MASP1: variants seen among roughly 807,000 people sequenced by gnomAD.
MASP1 encodes the protein mannan-binding lectin serine protease 1.
MASP1 carries 59 observed loss-of-function variants against 77.1 expected under a neutral mutation model. That is an observed-to-expected ratio of 0.77 (90% CI 0.62 to 0.95). MASP1 has a LOEUF of 0.95. Ranked by LOEUF, MASP1 falls within the 40% of genes least tolerant of loss-of-function variation. MASP1 has a pLI of 0.00. For synonymous variants in MASP1, 362 were observed against 354.5 expected (o/e 1.02, Z -0.24); for missense variants, 885 against 912.9 (o/e 0.97, Z 0.39).
At chr3:187,261,120 C>T (rs746788005) in intron 3 of MASP1, among the ~76,000 whole-genome samples, 2 of 152,180 alleles carry the variant, frequency 1.3e-5, no homozygotes, top group East Asian at 1.9e-4. Context: ...GGTAACTTGA[C>T]TTCTGGTGGG....
rs772652499 is a variant in MASP1, at chr3:187,256,661, C to T, written c.744+3G>A. On this transcript the variant is annotated splice_donor_region_variant and intron_variant, in intron 5 of 10. Transcript: ENST00000296280. ...CCAGGACAAGTGTTCATTGCAGGCTCACCTTGATGTAGTCATAGGGGCAGG... is the reference window on the plus strand; with the variant it reads ...CCAGGACAAGTGTTCATTGCAGGCTTACCTTGATGTAGTCATAGGGGCAGG... 6.2e-7 allele frequency: 1 copy of T among 1,613,836 alleles called. No homozygotes were observed. The highest frequency in any genetic ancestry group is 1.1e-5 in the South Asian group (1 of 91,060).
intron 1 of MASP1, among the ~76,000 whole-genome samples, chr3:187,289,471 CAGA>C (rs1283743956): frequency 6.6e-6 from 1 of 152,198 alleles, no homozygotes; most frequent in African/African-American, 2.4e-5. Flanking sequence ...AAAGAGCTCA[CAGA>C]AGAAGCTGGG....
intron 2 of MASP1, among the ~76,000 whole-genome samples, chr3:187,267,985 C>A (rs1716184676): frequency 6.6e-6 from 1 of 152,156 alleles, no homozygotes; most frequent in South Asian, 2.1e-4. Flanking sequence ...TGAAGTCTGA[C>A]TGAAATAGTT....
chr3:187,266,742 G>C (rs937745124), intron 2 of MASP1, among the ~76,000 whole-genome samples: 6 of 152,158 alleles, frequency 3.9e-5, no homozygotes, highest in Non-Finnish European at 8.8e-5. Flanking sequence ...GAAGCCAAGA[G>C]GCTTTGGTTT....
At chr3:187,287,039 A>G (rs888337198) in intron 1 of MASP1, among the ~76,000 whole-genome samples, 12 of 152,170 alleles carry the variant, frequency 7.9e-5, no homozygotes, top group Non-Finnish European at 5.9e-5. Flanking sequence ...AGTTAATTAC[A>G]TAGTTTACAT....
intron 11 of MASP1, among the ~76,000 whole-genome samples, chr3:187,228,180 G>A (rs949698504): frequency 1.3e-5 from 2 of 151,906 alleles, no homozygotes; most frequent in African/African-American, 2.4e-5. Context: ...CTAGCTACTC[G>A]GGAGGCTGAG....
downstream of MASP1, among the ~76,000 whole-genome samples, chr3:187,231,646 C>T (rs376677489): frequency 6.6e-6 from 1 of 152,218 alleles, no homozygotes; most frequent in African/African-American, 2.4e-5. Flanking sequence ...TTTTGCATCC[C>T]TAGGAATTCG....
At chr3:187,265,216 T>C (rs1489254164) in intron 2 of MASP1, among the ~76,000 whole-genome samples, 1 of 152,198 alleles carries the variant, frequency 6.6e-6, no homozygotes, top group African/African-American at 2.4e-5. Flanking sequence ...TGAATAGTCA[T>C]GCCTTGGGCA....
chr3:187,235,484 G>C lies in MASP1; in HGVS notation c.*200C>G. The stretch of plus-strand genomic sequence containing the variant: ...GGGAAAGAGACTTGGACAAGCTCAG[G>C]AACACAGGTCTCCTGCCTGGAGCCT... On this transcript the variant is annotated 3_prime_UTR_variant, in exon 11 of 11. Coordinates refer to ENST00000296280, the MANE Select transcript of MASP1 (RefSeq NM_139125.4). 6.6e-7 allele frequency: 1 copy of C among 1,524,874 alleles called. No homozygotes were observed. Among genetic ancestry groups the C allele is most frequent in the Non-Finnish European group, 8.8e-7 (1 of 1,141,176 alleles). 94.5% of individuals were successfully genotyped at this position (1,524,874 alleles called of 1,614,324 possible).
At chr3:187,262,826 C>T (rs1715713197) in intron 2 of MASP1, 106 bp from the exon 3 acceptor site, 5 of 980,966 alleles carry the variant, frequency 5.1e-6, no homozygotes, top group Non-Finnish European at 7.9e-6. Context: ...GTAGGCTAGT[C>T]AGCCTGAGAA....
rs1421539830 is a variant in MASP1, at chr3:187,220,105, TCCTTGTTGTGGTGGATG to T, written c.2049_2065del (p.Tyr683Ter). 6.2e-7 allele frequency: 1 copy of T among 1,613,970 alleles called. No individual in the cohort carries two copies. The highest frequency in any genetic ancestry group is 1.7e-5 in the Admixed American group (1 of 60,026). On this transcript the variant is annotated stop_gained and frameshift_variant, in exon 16 of 16. Transcript: ENST00000337774. LOFTEE classifies it high-confidence loss of function. The stretch of plus-strand genomic sequence containing the variant: ...CACTCCGGTGACCCTCTGGATCCAG[TCCTTGTTGTGGTGGATG>T]TAAGAGTATACTCCGTAGCGGTCCT...
chr3:187,230,345 A>C (rs993635423), downstream of MASP1, among the ~76,000 whole-genome samples: 1 of 152,232 alleles, frequency 6.6e-6, no homozygotes, highest in African/African-American at 2.4e-5. Flanking sequence ...AATGATGAAG[A>C]AAAGTGGAGC....
chr3:187,229,989 C>T, downstream of MASP1: 1 of 1,478,066 alleles, frequency 6.8e-7, no homozygotes, highest in Non-Finnish European at 9.2e-7. Context: ...CTGTTAGGAA[C>T]ATCTATTATT....
At chr3:187,281,543 A>G (rs1296547123) in intron 2 of MASP1, among the ~76,000 whole-genome samples, 1 of 152,242 alleles carries the variant, frequency 6.6e-6, no homozygotes, top group African/African-American at 2.4e-5. Context: ...TTGGCATGAT[A>G]TGTTTACAAG....
At chr3:187,246,667 G>A in intron 8 of MASP1, 1 of 988,930 alleles carries the variant, frequency 1.0e-6, no homozygotes, top group Non-Finnish European at 1.2e-6. Flanking sequence ...GCTTTCAGGT[G>A]TGATCCTATC....
At chr3:187,273,790 C>T (rs1579567215) in intron 2 of MASP1, among the ~76,000 whole-genome samples, 1 of 152,224 alleles carries the variant, frequency 6.6e-6, no homozygotes, top group East Asian at 1.9e-4. Context: ...ACTTCAGAAA[C>T]TCTTGAAAGC....
In MASP1 at chr3:187,253,052, G is replaced by A. The variant is rs956680997; in HGVS notation, c.892+116C>T. ...TGCCTTGGTCCCCAGCTGCTCAACT[G>A]GGAGTCCCATCAGGTCTCCAGAGGA... On this transcript the variant is annotated intron_variant, in intron 6 of 10. Coordinates refer to ENST00000296280, the MANE Select transcript of MASP1 (RefSeq NM_139125.4). 1.7e-5 allele frequency: 23 copies of A among 1,354,580 alleles called. No homozygotes were observed. In the African/African-American group the frequency reaches 3.3e-4, roughly 19 times the overall value. The allele number at this position is 1,354,580 out of a possible 1,614,324, so 83.9% of individuals were successfully genotyped here. A position where few individuals can be genotyped will look rare whatever the true frequency, so the allele number is the denominator to read the frequency against.
intron 8 of MASP1, chr3:187,246,483 C>A: frequency 1.0e-6 from 1 of 985,392 alleles, no homozygotes; most frequent in Non-Finnish European, 1.2e-6. Context: ...TCTCCCCTCA[C>A]CGCACAGCCA....
chr3:187,262,457 T>C (rs768004626), intron 3 of MASP1, 86 bp downstream of exon 3: 40 of 1,331,398 alleles, frequency 3.0e-5, no homozygotes, highest in Non-Finnish European at 4.2e-5. Flanking sequence ...CACACAGATT[T>C]CCATCGTAAA....
Sources: allele counts gnomAD v4.1 joint callset (sites outside exome capture counted in the v4.1 genomes callset), GRCh38; gene constraint gnomAD v4.1.1; transcripts MANE v1.5; gene names NCBI Gene and HGNC (gene_info 2026-07-23, HGNC 2026-07-21).